KIAA0825: variants seen among roughly 807,000 people sequenced by gnomAD.
KIAA0825 encodes the protein uncharacterized protein KIAA0825.
In KIAA0825, 119 loss-of-function variants were observed where a neutral mutation model predicts 147.6. The observed-to-expected ratio is 0.81, with a 90% CI of 0.69 to 0.94. KIAA0825 has a LOEUF of 0.94. Ranked by LOEUF, KIAA0825 falls within the 40% of genes least tolerant of loss-of-function variation. The pLI is 0.00. For synonymous variants in KIAA0825, 470 were observed against 518.1 expected (o/e 0.91, Z 1.26); for missense variants, 1,381 against 1,472.7 (o/e 0.94, Z 1.02).
chr5:94,365,016 C>T (rs1745632164), intron 20 of KIAA0825, among the ~76,000 whole-genome samples: 3 of 152,128 alleles, frequency 2.0e-5, no homozygotes, highest in Admixed American at 6.5e-5. Context: ...GAGAAGACAA[C>T]ATGGCATGGC....
At chr5:94,291,237 T>G (rs986286910) in intron 20 of KIAA0825, among the ~76,000 whole-genome samples, 4 of 152,226 alleles carry the variant, frequency 2.6e-5, no homozygotes, top group African/African-American at 9.6e-5. Flanking sequence ...AGGGTTTTTA[T>G]GGTTTTAGGT....
chr5:94,210,239 G>T (rs181620404), intron 20 of KIAA0825, among the ~76,000 whole-genome samples: 2 of 152,288 alleles, frequency 1.3e-5, no homozygotes, highest in Non-Finnish European at 2.9e-5. Context: ...ACTGAAGTCT[G>T]CAGCAGAAAC....
intron 2 of KIAA0825, among the ~76,000 whole-genome samples, chr5:94,573,842 CAG>C (rs1241430604): frequency 6.6e-6 from 1 of 152,034 alleles, no homozygotes; most frequent in African/African-American, 2.4e-5. Context: ...TAATGTTATC[CAG>C]AGTCAGATTG....
At chr5:94,261,470 GA>G (rs1451376853) in intron 20 of KIAA0825, among the ~76,000 whole-genome samples, 2 of 151,930 alleles carry the variant, frequency 1.3e-5, no homozygotes, top group East Asian at 1.9e-4. Context: ...CTGTGAAAAA[GA>G]ATGAAAACAC....
At chr5:94,210,533 C>T (rs758092145) in intron 20 of KIAA0825, among the ~76,000 whole-genome samples, 12 of 152,110 alleles carry the variant, frequency 7.9e-5, no homozygotes, top group Non-Finnish European at 1.5e-4. Context: ...AGGAAACCGG[C>T]TCTGCAAGCT....
intron 20 of KIAA0825, among the ~76,000 whole-genome samples, chr5:94,184,960 A>G (rs1469797965): frequency 6.6e-6 from 1 of 152,218 alleles, no homozygotes; most frequent in Non-Finnish European, 1.5e-5. Context: ...TTAAAACAAT[A>G]CAATCAACTA....
At chr5:94,426,391 T>G (rs1018870809) in intron 14 of KIAA0825, among the ~76,000 whole-genome samples, 2 of 152,082 alleles carry the variant, frequency 1.3e-5, no homozygotes, top group African/African-American at 4.8e-5. Context: ...AATAATAAAA[T>G]CACGTCATTG....
At chr5:94,263,194 A>G (rs764640936) in intron 20 of KIAA0825, among the ~76,000 whole-genome samples, 3 of 152,188 alleles carry the variant, frequency 2.0e-5, no homozygotes, top group Non-Finnish European at 4.4e-5. Context: ...AGGAAGACCT[A>G]CTGGTTTTCT....
chr5:94,339,828 T>C (rs1782184601), intron 20 of KIAA0825, among the ~76,000 whole-genome samples: 1 of 152,184 alleles, frequency 6.6e-6, no homozygotes, highest in South Asian at 2.1e-4. Context: ...GTCCTGTTCT[T>C]TAAGAAACAG....
At chr5:94,406,521 T>G (rs1752086214) in intron 15 of KIAA0825, among the ~76,000 whole-genome samples, 1 of 152,168 alleles carries the variant, frequency 6.6e-6, no homozygotes, top group African/African-American at 2.4e-5. Flanking sequence ...GGAGAAGCAC[T>G]TCCAGAATGA....
intron 16 of KIAA0825, 44 bp downstream of exon 16, chr5:94,403,525 G>T: frequency 5.0e-6 from 7 of 1,410,978 alleles, no homozygotes; most frequent in South Asian, 2.5e-5. Flanking sequence ...CTAGAAAATT[G>T]CTTCTTCAGG....
intron 1 of KIAA0825, among the ~76,000 whole-genome samples, chr5:94,603,657 T>A (rs1786930435): frequency 6.6e-6 from 1 of 152,060 alleles, no homozygotes; most frequent in Non-Finnish European, 1.5e-5. Flanking sequence ...CAAGACCCAA[T>A]TGTATGCTGC....
chr5:94,450,155 T>C (rs890986220), intron 13 of KIAA0825, among the ~76,000 whole-genome samples: 4 of 151,732 alleles, frequency 2.6e-5, no homozygotes, highest in Non-Finnish European at 2.9e-5. Context: ...GACAACTATG[T>C]AGATGAAAAT....
chr5:94,440,834 A>G (rs1353901365), intron 13 of KIAA0825, among the ~76,000 whole-genome samples: 1 of 152,148 alleles, frequency 6.6e-6, no homozygotes, highest in East Asian at 1.9e-4. Flanking sequence ...AACTGATAAC[A>G]TTATTTACTT....
In KIAA0825 at chr5:94,484,977, T is replaced by G. The variant is rs750736745; in HGVS notation, c.971-47A>C. ...ACTGTCATACATTTTATTTACCTTCTTAGTAAATATTAGAATGATCTGTGT... is the reference window on the plus strand; with the variant it reads ...ACTGTCATACATTTTATTTACCTTCGTAGTAAATATTAGAATGATCTGTGT... On this transcript the variant is annotated intron_variant, in intron 5 of 20. Transcript: ENST00000682413. 2.1e-5 allele frequency: 26 copies of G among 1,221,842 alleles called. No homozygotes were observed. In the African/African-American group the frequency reaches 2.9e-4, roughly 14 times the overall value. 75.7% of individuals were successfully genotyped at this position (1,221,842 alleles called of 1,614,324 possible). A position where few individuals can be genotyped will look rare whatever the true frequency, so the allele number is the denominator to read the frequency against.
chr5:94,616,919 G>A (rs1790672221), intron 1 of KIAA0825, among the ~76,000 whole-genome samples: 1 of 152,020 alleles, frequency 6.6e-6, no homozygotes, highest in South Asian at 2.1e-4. Flanking sequence ...ACTTATAAAG[G>A]TATAGAGCAC....
intron 20 of KIAA0825, among the ~76,000 whole-genome samples, chr5:94,299,911 T>C (rs963510231): frequency 7.0e-6 from 1 of 143,608 alleles, no homozygotes; most frequent in Non-Finnish European, 1.6e-5. Flanking sequence ...AAAACATCTT[T>C]CTTAGATTTT....
intron 20 of KIAA0825, among the ~76,000 whole-genome samples, chr5:94,213,986 A>G (rs544542220): frequency 6.6e-6 from 1 of 152,286 alleles, no homozygotes; most frequent in East Asian, 1.9e-4. Context: ...TTAAAATGCC[A>G]AAGTACCTAG....
At chr5:94,473,657 A>G in intron 7 of KIAA0825, 138 bp from the exon 8 acceptor site, 1 of 633,636 alleles carries the variant, frequency 1.6e-6, no homozygotes, top group Non-Finnish European at 2.7e-6. Flanking sequence ...CATTCTTACA[A>G]CCTAAAAAAT....
Sources: allele counts gnomAD v4.1 joint callset (sites outside exome capture counted in the v4.1 genomes callset), GRCh38; gene constraint gnomAD v4.1.1; transcripts MANE v1.5; gene names NCBI Gene and HGNC (gene_info 2026-07-23, HGNC 2026-07-21).